Variants in MEGF10 observed in about 807,000 individuals in gnomAD.
The protein encoded by MEGF10 is multiple EGF like domains 10.
MEGF10 carries 86 observed loss-of-function variants against 147.5 expected under a neutral mutation model. The ratio of observed to expected loss-of-function variants is 0.58; its 90% CI spans 0.49 to 0.70. MEGF10 has a LOEUF of 0.70. Ranked by LOEUF, MEGF10 falls within the 30% of genes least tolerant of loss-of-function variation. The probability of loss-of-function intolerance (pLI) is 0.00; values close to 1 mark genes in which losing one functional copy is unlikely to be tolerated. For missense variants in MEGF10, 1,329 were observed against 1,487.3 expected (o/e 0.89, Z 1.75); for synonymous variants, 478 against 525.5 (o/e 0.91, Z 1.24).
At chr5:127,418,542 A>C (rs1463550907) in intron 10 of MEGF10, among the ~76,000 whole-genome samples, 4 of 152,172 alleles carry the variant, frequency 2.6e-5, no homozygotes, top group Non-Finnish European at 5.9e-5. Flanking sequence ...TCAGCCCTTG[A>C]ATTAGCTTTG....
In MEGF10 at chr5:127,299,745, GTT is replaced by G. The variant is rs35796097; in HGVS notation, c.-19+8701_-19+8702del. On this transcript the variant is annotated intron_variant, in intron 1 of 24. Transcript: ENST00000503335. ...GTGGCTTTTCTTTTCTTTCCTTTTT[GTT>G]TTTTTTTTTTTAAGTTAGGCACAGA... Among the ~76,000 whole-genome samples, 101 of 146,052 alleles carry G rather than the reference GTT, an allele frequency of 6.9e-4. 1 individual carries two copies. The highest frequency in any genetic ancestry group is 1.3e-3 in the African/African-American group (50 of 39,926).
the MEGF10 span, among the ~76,000 whole-genome samples, chr5:127,282,206 C>T: frequency 6.6e-6 from 1 of 152,142 alleles, no homozygotes; most frequent in Non-Finnish European, 1.5e-5. Context: ...AGAAATATTC[C>T]TCTTACCTCT....
At chr5:127,308,048 C>T (rs1200835553) in intron 1 of MEGF10, among the ~76,000 whole-genome samples, 4 of 152,278 alleles carry the variant, frequency 2.6e-5, no homozygotes, top group Admixed American at 2.0e-4. Flanking sequence ...GGAAGTGCAG[C>T]GTGACTTGAT....
At chr5:127,422,191 T>C (rs891512608) in intron 12 of MEGF10, among the ~76,000 whole-genome samples, 2 of 152,060 alleles carry the variant, frequency 1.3e-5, no homozygotes, top group Non-Finnish European at 2.9e-5. Flanking sequence ...AGCCTATATT[T>C]TGGGGACTAA....
At chr5:127,404,993 G>A (rs1413804554) in intron 8 of MEGF10, among the ~76,000 whole-genome samples, 6 of 152,140 alleles carry the variant, frequency 3.9e-5, no homozygotes, top group Non-Finnish European at 1.5e-5. Flanking sequence ...TAAGATTACA[G>A]GCGTTGGAAA....
rs1440788439 is a variant in MEGF10, at chr5:127,458,772, CGTT to C, written c.*1458_*1460del. ...AGGGAGAAGGGGAGCAGAAAGGAAA[CGTT>C]GTTACTGATGAGTACCACAGACTCA... On this transcript the variant is annotated 3_prime_UTR_variant, in exon 25 of 25. Transcript: ENST00000503335. The C allele has an allele frequency of 1.3e-5, 2 of 152,090 alleles. No homozygotes were observed. The highest frequency in any genetic ancestry group is 1.5e-5 in the Non-Finnish European group (1 of 68,000). 9.4% of individuals were successfully genotyped at this position (152,090 alleles called of 1,614,324 possible).
chr5:127,323,896 C>T (rs997057460), intron 1 of MEGF10, among the ~76,000 whole-genome samples: 3 of 152,194 alleles, frequency 2.0e-5, no homozygotes, highest in African/African-American at 7.2e-5. Context: ...CTGTGTTGGT[C>T]TCTCCATATG....
intron 22 of MEGF10, among the ~76,000 whole-genome samples, chr5:127,451,858 T>C (rs555437619): frequency 6.6e-5 from 10 of 152,310 alleles, no homozygotes; most frequent in Admixed American, 2.6e-4. Context: ...GTCAGGCATG[T>C]TATGGATGAT....
intron 1 of MEGF10, among the ~76,000 whole-genome samples, chr5:127,300,411 G>A (rs1262371358): frequency 6.6e-6 from 1 of 152,124 alleles, no homozygotes; most frequent in East Asian, 1.9e-4. Context: ...GTCCCAAGTA[G>A]TATATATAAT....
chr5:127,447,722 G>C (rs745953716), intron 21 of MEGF10, 38 bp downstream of exon 21: 1 of 1,612,790 alleles, frequency 6.2e-7, no homozygotes, highest in Non-Finnish European at 8.5e-7. Context: ...AAGTGGGCTG[G>C]GGAGAGAGGA....
intron 5 of MEGF10, among the ~76,000 whole-genome samples, chr5:127,393,553 AT>A (rs1429530641): frequency 2.6e-5 from 4 of 152,144 alleles, no homozygotes; most frequent in Non-Finnish European, 5.9e-5. Context: ...AAACATGTGG[AT>A]TTTTTTCCTG....
chr5:127,432,139 GGTCT>G (rs1765403533), intron 13 of MEGF10, among the ~76,000 whole-genome samples: 1 of 152,128 alleles, frequency 6.6e-6, no homozygotes. Flanking sequence ...GACACAATGA[GGTCT>G]GCATGCTTTC....
intron 5 of MEGF10, among the ~76,000 whole-genome samples, chr5:127,392,971 G>A (rs556324857): frequency 1.6e-4 from 25 of 152,338 alleles, no homozygotes; most frequent in African/African-American, 5.5e-4. Context: ...GGTTAGTGCA[G>A]TTAGAACTGA....
At chr5:127,449,285 G>A (rs1307727675) in intron 22 of MEGF10, 63 bp downstream of exon 22, 45 of 1,590,964 alleles carry the variant, frequency 2.8e-5, no homozygotes, top group Non-Finnish European at 3.6e-5. Flanking sequence ...AAACAGTCAC[G>A]GATCTCTGTT....
chr5:127,382,802 A>G (rs866768699), intron 5 of MEGF10, among the ~76,000 whole-genome samples: 41 of 152,266 alleles, frequency 2.7e-4, no homozygotes, highest in South Asian at 4.1e-4. Context: ...GGATAAGGTA[A>G]TTCAGAGGCG....
chr5:127,302,733 G>C (rs1029884300), intron 1 of MEGF10, among the ~76,000 whole-genome samples: 1 of 152,200 alleles, frequency 6.6e-6, no homozygotes, highest in African/African-American at 2.4e-5. Flanking sequence ...GCATACTGAG[G>C]AGAATGCCAA....
intron 1 of MEGF10, among the ~76,000 whole-genome samples, chr5:127,291,390 G>A (rs1759250130): frequency 6.6e-6 from 1 of 152,180 alleles, no homozygotes; most frequent in Non-Finnish European, 1.5e-5. Context: ...GCTGGATGTA[G>A]GGAGATTTGT....
chr5:127,299,535 C>T (rs927004330), intron 1 of MEGF10, among the ~76,000 whole-genome samples: 3 of 152,196 alleles, frequency 2.0e-5, no homozygotes, highest in African/African-American at 7.2e-5. Flanking sequence ...TGCTTACATT[C>T]TTTGTGTCAG....
At chr5:127,433,601 T>C in intron 14 of MEGF10, 92 bp downstream of exon 14, 1 of 1,452,942 alleles carries the variant, frequency 6.9e-7, no homozygotes, top group East Asian at 2.3e-5. Flanking sequence ...CAGTTTATAG[T>C]GATGTCCTGT....
Sources: allele counts gnomAD v4.1 joint callset (sites outside exome capture counted in the v4.1 genomes callset), GRCh38; gene constraint gnomAD v4.1.1; transcripts MANE v1.5; gene names NCBI Gene and HGNC (gene_info 2026-07-23, HGNC 2026-07-21).